Variants in PPP4R4 observed in about 807,000 individuals in gnomAD.
The protein encoded by PPP4R4 is serine/threonine-protein phosphatase 4 regulatory subunit 4.
In PPP4R4, 70 loss-of-function variants were observed where a neutral mutation model predicts 121.8. The observed-to-expected ratio is 0.57, with a 90% confidence interval of 0.47 to 0.70. The LOEUF is 0.70. Ranked by LOEUF, PPP4R4 falls within the 30% of genes least tolerant of loss-of-function variation. The pLI, the probability that PPP4R4 is intolerant of heterozygous loss-of-function variation, is 0.00. For synonymous variants in PPP4R4, 348 were observed against 355.7 expected (o/e 0.98, Z 0.24); for missense variants, 875 against 1,033.6 (o/e 0.85, Z 2.10).
chr14:94,186,603 C>T (rs917155210), intron 2 of PPP4R4, among the ~76,000 whole-genome samples: 5 of 152,166 alleles, frequency 3.3e-5, no homozygotes, highest in African/African-American at 1.2e-4. Flanking sequence ...GCTTTCCTTC[C>T]TCTCTGGTAA....
intron 1 of PPP4R4, chr14:94,175,423 C>A (rs1294134546): frequency 2.6e-5 from 4 of 153,418 alleles, no homozygotes; most frequent in Admixed American, 2.6e-4. Context: ...GCTCTCCCAC[C>A]CCGCAGAGTC....
intron 1 of PPP4R4, chr14:94,175,786 A>G: frequency 2.1e-6 from 1 of 479,952 alleles, no homozygotes; most frequent in East Asian, 3.1e-5. Context: ...TTCTGAAGCC[A>G]CGATGTGATT....
intron 3 of PPP4R4, chr14:94,227,212 T>C (rs1338409148): frequency 8.4e-7 from 1 of 1,193,700 alleles, no homozygotes; most frequent in Non-Finnish European, 1.2e-6. Context: ...ACAATAGTAA[T>C]GTAAGAGGAA....
Position 94,237,593 on chromosome 14 carries a change from C to T in PPP4R4, c.760C>T (p.Pro254Ser). 1.9e-6 allele frequency: 3 copies of T among 1,612,978 alleles called. No homozygotes were observed. The highest frequency in any genetic ancestry group is 1.7e-6 in the Non-Finnish European group (2 of 1,179,032). ...AGAACTTACAAAAAGTGTGGTGCTC[C>T]CTGAATTAATAGAACTTTCTAGGGA... is the stretch of plus-strand genomic sequence containing the variant. ...GTELTKSVVLPELIELSRDEG... is the reference protein window; with the variant it reads ...GTELTKSVVLSELIELSRDEG... Residue 254 changes from proline to serine, a missense_variant, in exon 8 of 25, where the codon CCT becomes TCT. Pro to Ser is a moderately conservative substitution (Grantham distance 74). Coordinates refer to ENST00000304338, the MANE Select transcript of PPP4R4 (RefSeq NM_058237.2).
At chr14:94,215,888 A>C (rs762085024) in intron 3 of PPP4R4, among the ~76,000 whole-genome samples, 1 of 152,216 alleles carries the variant, frequency 6.6e-6, no homozygotes, top group Admixed American at 6.5e-5. Context: ...ACTATTAATA[A>C]TTAAAGTTCT....
intron 3 of PPP4R4, chr14:94,227,138 AC>A: frequency 1.6e-6 from 1 of 622,344 alleles, no homozygotes; most frequent in East Asian, 2.9e-5. Flanking sequence ...AAACTTGGAA[AC>A]GTGCCATTAA....
chr14:94,254,742 C>T (rs1893375193), intron 16 of PPP4R4, among the ~76,000 whole-genome samples: 1 of 152,218 alleles, frequency 6.6e-6, no homozygotes, highest in Admixed American at 6.5e-5. Context: ...TAGCATCCCT[C>T]TCTAAAACAG....
chr14:94,216,408 T>A (rs1891018804), intron 3 of PPP4R4, among the ~76,000 whole-genome samples: 1 of 152,224 alleles, frequency 6.6e-6, no homozygotes, highest in African/African-American at 2.4e-5. Flanking sequence ...TAGTTAGCAG[T>A]ATCAGCTAAG....
chr14:94,216,811 AC>A, intron 3 of PPP4R4, among the ~76,000 whole-genome samples: 1 of 152,090 alleles, frequency 6.6e-6, no homozygotes, highest in Admixed American at 6.5e-5. Flanking sequence ...GAGGTAGAAA[AC>A]CCTCACTCCT....
chr14:94,262,882 G>T (rs1893857321), intron 19 of PPP4R4, among the ~76,000 whole-genome samples: 1 of 151,944 alleles, frequency 6.6e-6, no homozygotes. Flanking sequence ...TATTTTCACT[G>T]GGTATAGAAG....
At chr14:94,174,653 C>T in intron 1 of PPP4R4, 71 bp downstream of exon 1, 1 of 1,565,836 alleles carries the variant, frequency 6.4e-7, no homozygotes. Context: ...GCGCTGATCT[C>T]TGCCCCACGC....
chr14:94,192,167 A>G (rs1215709560), intron 2 of PPP4R4, among the ~76,000 whole-genome samples: 1 of 152,172 alleles, frequency 6.6e-6, no homozygotes, highest in African/African-American at 2.4e-5. Flanking sequence ...GGTCTTAAGC[A>G]TGAAGACTAT....
At chr14:94,222,575 C>CTT (rs71129676) in intron 3 of PPP4R4, among the ~76,000 whole-genome samples, 87 of 145,396 alleles carry the variant, frequency 6.0e-4, no homozygotes, top group Non-Finnish European at 7.4e-4. Flanking sequence ...CATTTGGAAT[C>CTT]TTTTTTTTTT....
chr14:94,193,483 G>A (rs1351521039), intron 2 of PPP4R4, among the ~76,000 whole-genome samples: 1 of 152,054 alleles, frequency 6.6e-6, no homozygotes, highest in Non-Finnish European at 1.5e-5. Flanking sequence ...GTGCAAGTAA[G>A]GTGCTTATTT....
At chr14:94,227,255 T>C in intron 3 of PPP4R4, 2 of 1,546,208 alleles carry the variant, frequency 1.3e-6, no homozygotes, top group Non-Finnish European at 1.8e-6. Context: ...ACTTAAGCAA[T>C]AGAGGAATTT....
At position 94,245,664 on chromosome 14, in the gene PPP4R4, A is replaced by G. The variant is rs536230153; in HGVS notation, c.1422A>G (p.Glu474=). Residue 474 remains glutamate (E), a synonymous_variant, in exon 13 of 25, where the codon GAA becomes GAG. Coordinates refer to ENST00000304338, the MANE Select transcript of PPP4R4 (RefSeq NM_058237.2). ...CTGGTGGAGAAAGCAGTGTTCAAGAAAATAAGGTAAACTTCATCTTTCAGA... is the reference window on the plus strand; with the variant it reads ...CTGGTGGAGAAAGCAGTGTTCAAGAGAATAAGGTAAACTTCATCTTTCAGA... ...MSTGGESSVQ[E]NKLSSLPDLI... The G allele has an allele frequency of 4.4e-6, 7 of 1,580,950 alleles. No homozygotes were observed. In the South Asian group the frequency reaches 5.6e-5, roughly 13 times the overall value.
intron 5 of PPP4R4, among the ~76,000 whole-genome samples, chr14:94,233,272 C>T (rs1275987053): frequency 2.0e-5 from 3 of 152,060 alleles, no homozygotes; most frequent in African/African-American, 7.2e-5. Context: ...TGTTTTTCAT[C>T]CCATTAGGAT....
At chr14:94,251,113 T>A (rs2139598723) in intron 15 of PPP4R4, among the ~76,000 whole-genome samples, 1 of 152,162 alleles carries the variant, frequency 6.6e-6, no homozygotes, top group East Asian at 1.9e-4. Context: ...TAGAATGTTT[T>A]ATTTTGAAAG....
Position 94,241,914 on chromosome 14 carries a change from A to G in PPP4R4, c.1103A>G (p.Lys368Arg). The part of the protein sequence containing the change: ...QIPPQILEQE[K>R]KYISVRKNCA... ...CCACCCCAAATCCTAGAGCAGGAGA[A>G]GAAATATATTTCAGTACGGAAGAAC... The change falls in exon 10 of 25, where the codon AAG becomes AGG. Residue 368 changes from lysine to arginine, a missense_variant. By Grantham distance (26) the Lys-to-Arg change is conservative. Coordinates refer to ENST00000304338, the MANE Select transcript of PPP4R4 (RefSeq NM_058237.2). 1.2e-6 allele frequency: 2 copies of G among 1,609,800 alleles called. No homozygotes were observed. Among genetic ancestry groups the G allele is most frequent in the Non-Finnish European group, 1.7e-6 (2 of 1,178,128 alleles).
Sources: gnomAD v4.1 joint callset for allele counts (sites outside exome capture counted in the v4.1 genomes callset) on GRCh38, gnomAD v4.1.1 for gene constraint, MANE v1.5 for transcripts, NCBI Gene and HGNC (gene_info 2026-07-23, HGNC 2026-07-21) for gene names.